The following ROPN1 variants were observed in gnomAD, a reference collection of about 807,000 sequenced individuals.
ROPN1 encodes the protein ropporin-1A.
A neutral mutation model predicts 20.5 loss-of-function variants in ROPN1; 14 were observed. The observed-to-expected ratio is 0.68, with a 90% CI of 0.45 to 1.07. The LOEUF is 1.07. ROPN1 is among the 50% of genes least tolerant of loss of function. The pLI is 0.00. For missense variants in ROPN1, 169 were observed against 242.8 expected, an observed-to-expected ratio of 0.70 and a Z score of 2.02; for synonymous variants, 76 against 95.7, an observed-to-expected ratio of 0.79 and a Z score of 1.20.
At chr3:123,974,978 C>T (rs1476589040) in intron 4 of ROPN1, 2 of 241,382 alleles carry the variant, frequency 8.3e-6, no homozygotes, top group East Asian at 1.0e-4. Context: ...ACATAGTTTT[C>T]GATAAGATTG....
At chr3:123,977,049 C>G (rs1174399081) in intron 2 of ROPN1, 68 bp from the exon 3 acceptor site, 2 of 1,466,116 alleles carry the variant, frequency 1.4e-6, no homozygotes, top group Non-Finnish European at 1.8e-6. Flanking sequence ...TTCTAGCAAT[C>G]CTTCCACCTT....
chr3:123,977,908 A>T (rs1182044468), intron 2 of ROPN1, among the ~76,000 whole-genome samples: 1 of 152,154 alleles, frequency 6.6e-6, no homozygotes, highest in Non-Finnish European at 1.5e-5. Context: ...AATGGACATG[A>T]GCCGCTGACA....
At chr3:123,975,356 A>AAAAAATATTGTAGTCC in intron 4 of ROPN1, 23 bp downstream of exon 4, 1 of 739,736 alleles carries the variant, frequency 1.4e-6, no homozygotes, top group Non-Finnish European at 2.3e-6. Flanking sequence ...CTTCAGGAAC[A>AAAAAATATTGTAGTCC]AAAAACAGTC....
intron 4 of ROPN1, among the ~76,000 whole-genome samples, chr3:123,973,007 T>G (rs1057266891): frequency 2.0e-5 from 3 of 152,208 alleles, no homozygotes; most frequent in African/African-American, 7.2e-5. Flanking sequence ...GCCTTCTATG[T>G]GTCCTCACTT....
chr3:123,984,742 A>G (rs1343684156), intron 1 of ROPN1, among the ~76,000 whole-genome samples: 3 of 151,934 alleles, frequency 2.0e-5, no homozygotes, highest in Non-Finnish European at 4.4e-5. Flanking sequence ...TGCTCTGGCC[A>G]CTTTCCAAAA....
At position 123,970,226 on chromosome 3, in the gene ROPN1, G is replaced by A. The variant is rs774586301; in HGVS notation, c.397-9C>T. The A allele has an allele frequency of 5.6e-6, 9 of 1,610,552 alleles. No homozygotes were observed. In the Admixed American group the frequency reaches 8.4e-5, roughly 15 times the overall value. On this transcript the variant is annotated splice_polypyrimidine_tract_variant and intron_variant, in intron 4 of 5. Coordinates refer to ENST00000405845, the MANE Select transcript of ROPN1 (RefSeq NM_001317774.2). ...AGAGTTTTGGTAATAGTCTATAAAA[G>A]TTAGATAAAATGAGGAGAAAGTTAC...
At position 123,975,094 on chromosome 3, in the gene ROPN1, G is replaced by A. The variant is rs537530900; in HGVS notation, c.396+285C>T. On this transcript the variant is annotated intron_variant, in intron 4 of 5. Transcript: ENST00000405845. ...TGGGAATATGAATGGAAGGAGCGGA[G>A]TGAAAATAAATCTGAGGGCAATATT... The A allele has an allele frequency of 1.3e-5, 6 of 478,366 alleles. No individual in the cohort carries two copies. The East Asian group carries it at 2.5e-4, about 20-fold the overall frequency. The allele number at this position is 478,366 out of a possible 1,614,324, so 29.6% of individuals were successfully genotyped here.
At chr3:123,971,588 G>A (rs955558770) in intron 4 of ROPN1, among the ~76,000 whole-genome samples, 2 of 152,152 alleles carry the variant, frequency 1.3e-5, no homozygotes, top group Admixed American at 6.5e-5. Flanking sequence ...GCAGGTGGGA[G>A]GGCAGGCATG....
rs200173296 is a variant in ROPN1, at chr3:123,970,195, A to C, written c.419T>G (p.Ile140Arg). 1 of 1,613,718 alleles carries C rather than the reference A, an allele frequency of 6.2e-7. No individual in the cohort carries two copies. Among genetic ancestry groups the C allele is most frequent in the Non-Finnish European group, 8.5e-7 (1 of 1,179,796 alleles). The part of the protein sequence containing the change: ...LGVTITKTLK[I>R]VCEVLSCDHN... ...GTCACATGATAAGACCTCACACACT[A>C]TCTTGAGAGTTTTGGTAATAGTCTA... Residue 140 changes from isoleucine to arginine, a missense_variant, in exon 5 of 6, where the codon ATA becomes AGA. Physicochemically the swap from Ile to Arg is moderately conservative, Grantham distance 97 (BLOSUM62 -3). This residue lies in a region of ROPN1 where 82 missense variants were observed against 100.1 expected (regional missense o/e 0.82). Coordinates refer to ENST00000405845, the MANE Select transcript of ROPN1 (RefSeq NM_001317774.2).
chr3:123,990,571 G>A (rs1364150349), intron 1 of ROPN1, among the ~76,000 whole-genome samples: 1 of 152,214 alleles, frequency 6.6e-6, no homozygotes, highest in Non-Finnish European at 1.5e-5. Context: ...CTGCCTTTGG[G>A]CAATAAGGGT....
At chr3:123,976,495 T>TA (rs963637348) in intron 3 of ROPN1, among the ~76,000 whole-genome samples, 6 of 152,184 alleles carry the variant, frequency 3.9e-5, no homozygotes, top group Admixed American at 3.9e-4. Context: ...GCTGGGGAGC[T>TA]AAAATATGCC....
chr3:123,979,688 T>C (rs1261970926), intron 2 of ROPN1: 1 of 399,588 alleles, frequency 2.5e-6, no homozygotes, highest in Non-Finnish European at 5.0e-6. Flanking sequence ...CAGCCATGCC[T>C]GAGGACCCCA....
In ROPN1 at chr3:123,969,983, G is replaced by T. The variant is rs1375123818; in HGVS notation, c.572+59C>A. 3 of 1,541,228 alleles carry T rather than the reference G, an allele frequency of 1.9e-6. No homozygotes were observed. In the South Asian group the frequency reaches 3.5e-5, roughly 18 times the overall value. ...ATAATACAATAATCTCACTATCTTG[G>T]CCAGCTAGATTTCTTTTCCTGGTAT... On this transcript the variant is annotated intron_variant, in intron 5 of 5. Coordinates refer to ENST00000405845, the MANE Select transcript of ROPN1 (RefSeq NM_001317774.2).
At chr3:123,986,082 A>G (rs1197945995) in intron 1 of ROPN1, among the ~76,000 whole-genome samples, 2 of 150,302 alleles carry the variant, frequency 1.3e-5, no homozygotes, top group Admixed American at 1.3e-4. Context: ...CTAGAATTGT[A>G]ATTACTAAAT....
At position 123,980,407 on chromosome 3, in the gene ROPN1, G is replaced by A. The variant is rs200436622; in HGVS notation, c.75C>T (p.Ala25=). Residue 25 remains alanine, a synonymous_variant, in exon 2 of 6, where the codon GCC becomes GCT. Transcript: ENST00000405845. ...TGAGGTCCTGCGGCTGCACCCTAAT[G>A]GCGGCTTTGGCAAACTCCTTCAGCA... The part of the protein sequence containing the change: ...PKMLKEFAKA[A]IRVQPQDLIQ... The A allele has an allele frequency of 1.8e-5, 29 of 1,614,188 alleles. No individual in the cohort carries two copies. The highest frequency in any genetic ancestry group is 2.2e-5 in the Non-Finnish European group (26 of 1,180,024).
intron 1 of ROPN1, among the ~76,000 whole-genome samples, chr3:123,988,132 T>G (rs2149003995): frequency 6.6e-6 from 1 of 151,688 alleles, no homozygotes; most frequent in Middle Eastern, 3.4e-3. Flanking sequence ...CATTTTCATC[T>G]TTTACTTGTC....
intron 3 of ROPN1, chr3:123,975,858 A>G (rs1299563854): frequency 1.6e-5 from 6 of 372,624 alleles, no homozygotes; most frequent in Admixed American, 7.1e-5. Flanking sequence ...TATTCCTTAT[A>G]TGACAGATAG....
chr3:123,979,946 C>A, intron 2 of ROPN1: 2 of 369,204 alleles, frequency 5.4e-6, no homozygotes, highest in East Asian at 1.0e-4. Context: ...TTCCCTCCCC[C>A]GGCTGCACTG....
intron 4 of ROPN1, among the ~76,000 whole-genome samples, chr3:123,974,033 T>C (rs1474426147): frequency 6.6e-6 from 1 of 152,200 alleles, no homozygotes; most frequent in Non-Finnish European, 1.5e-5. Context: ...AGGAAAAACC[T>C]GAGATACTGG....
Sources: gnomAD v4.1 joint callset for allele counts (sites outside exome capture counted in the v4.1 genomes callset) on GRCh38, gnomAD v4.1.1 for gene constraint, gnomAD v4.1.1 regional missense constraint, MANE v1.5 for transcripts, NCBI Gene and HGNC (gene_info 2026-07-23, HGNC 2026-07-21) for gene names.